The following DCBLD2 variants were observed in gnomAD, a reference collection of about 807,000 sequenced individuals.
DCBLD2 encodes the protein discoidin, CUB and LCCL domain-containing protein 2.
In DCBLD2, 54 loss-of-function variants were observed where a neutral mutation model predicts 86.8. The observed-to-expected ratio is 0.62, with a 90% CI of 0.50 to 0.78. DCBLD2 has a LOEUF of 0.78. Ranked by LOEUF, DCBLD2 falls within the 30% of genes least tolerant of loss-of-function variation. DCBLD2 has a pLI of 0.00. For synonymous variants in DCBLD2, 354 were observed against 341.3 expected (o/e 1.04, Z -0.41); for missense variants, 908 against 954.2 (o/e 0.95, Z 0.64).
intron 15 of DCBLD2, 49 bp from the exon 16 acceptor site, chr3:98,799,890 T>C (rs752270133): frequency 2.7e-6 from 4 of 1,473,564 alleles, no homozygotes; most frequent in East Asian, 2.3e-5. Flanking sequence ...AGTAAAGAGA[T>C]TGCATAATTT....
chr3:98,857,519 G>A (rs552002318), intron 2 of DCBLD2, among the ~76,000 whole-genome samples: 1 of 152,244 alleles, frequency 6.6e-6, no homozygotes, highest in South Asian at 2.1e-4. Context: ...GTGCTGATTG[G>A]TGCGTTTACA....
chr3:98,857,464 C>T (rs1469250909), intron 2 of DCBLD2, among the ~76,000 whole-genome samples: 3 of 136,834 alleles, frequency 2.2e-5, no homozygotes, highest in East Asian at 2.0e-4. Context: ...TACAGAGAGC[C>T]GACTGGTCCA....
At chr3:98,838,993 C>T (rs1044423187) in intron 3 of DCBLD2, among the ~76,000 whole-genome samples, 2 of 145,522 alleles carry the variant, frequency 1.4e-5, no homozygotes, top group Admixed American at 6.9e-5. Context: ...GCAGTACAGT[C>T]CAGCTTCGGC....
intron 2 of DCBLD2, among the ~76,000 whole-genome samples, chr3:98,864,160 C>T (rs147750788): frequency 1.7e-3 from 253 of 152,202 alleles, no homozygotes; most frequent in Admixed American, 6.4e-3. Context: ...TGAGATACCA[C>T]CTCACACCAG....
At chr3:98,860,943 A>G (rs138091645) in intron 2 of DCBLD2, among the ~76,000 whole-genome samples, 17,260 of 152,288 alleles carry the variant, frequency 0.11, 1,197 homozygotes, top group South Asian at 0.18. Context: ...TTGGATAAAG[A>G]GTCGAGACTC....
At position 98,838,452 on chromosome 3, in the gene DCBLD2, G is replaced by A. The variant is rs1304063904; in HGVS notation, c.571+11009C>T. Among the ~76,000 whole-genome samples the A allele has an allele frequency of 2.6e-3, 353 of 136,418 alleles. 1 individual carries two copies. The highest frequency in any genetic ancestry group is 9.0e-3 in the African/African-American group (327 of 36,304). The allele number at this position is 136,418 out of a possible 152,430, so 89.5% of individuals were successfully genotyped here. A position where few individuals can be genotyped will look rare whatever the true frequency, so the allele number is the denominator to read the frequency against. ...GCTCCCCACATCTCAGACGATGGGC[G>A]GCCGGGCAGAGACGCTCCTCACTTC... is the stretch of plus-strand genomic sequence containing the variant. On this transcript the variant is annotated intron_variant, in intron 3 of 15. Transcript: ENST00000326840.
chr3:98,836,666 G>C (rs1942460889), intron 3 of DCBLD2, among the ~76,000 whole-genome samples: 1 of 122,438 alleles, frequency 8.2e-6, no homozygotes, highest in Admixed American at 7.9e-5. Context: ...TCCCAGTAGG[G>C]GCGGCCGGGC....
rs547070945 is a variant in DCBLD2 at position 98,857,967 on chromosome 3, C to T, written c.434-8369G>A. Among the ~76,000 whole-genome samples the T allele has an allele frequency of 4.8e-3, 724 of 152,358 alleles. 9 individuals carry two copies. Among genetic ancestry groups the T allele is most frequent in the African/African-American group, 0.016 (660 of 41,578 alleles). On this transcript the variant is annotated intron_variant, in intron 2 of 15. Transcript: ENST00000326840. Reference sequence around the variant, plus strand: ...AGCTGCCTGCCAGTCCCGCGCCGTGCGCCCGCACTCCTCAGCCCTTGGGTG... The same window carrying T: ...AGCTGCCTGCCAGTCCCGCGCCGTGTGCCCGCACTCCTCAGCCCTTGGGTG...
intron 1 of DCBLD2, among the ~76,000 whole-genome samples, chr3:98,883,741 C>T (rs2119190): frequency 1 from 152,277 of 152,280 alleles, 76,137 homozygotes; most frequent in Non-Finnish European, 1. Flanking sequence ...CAGTTATTTA[C>T]AAATCACCTT....
At chr3:98,868,356 T>G (rs952156700) in intron 2 of DCBLD2, among the ~76,000 whole-genome samples, 1 of 152,178 alleles carries the variant, frequency 6.6e-6, no homozygotes, top group Non-Finnish European at 1.5e-5. Flanking sequence ...GGTTGAAGAA[T>G]AAGAAGATAT....
chr3:98,802,505 G>C (rs1260954677), intron 13 of DCBLD2, among the ~76,000 whole-genome samples: 1 of 151,938 alleles, frequency 6.6e-6, no homozygotes, highest in Non-Finnish European at 1.5e-5. Flanking sequence ...TCTGTAGGTT[G>C]CCTGCTCACT....
intron 3 of DCBLD2, among the ~76,000 whole-genome samples, chr3:98,846,835 G>T (rs954589903): frequency 2.6e-5 from 4 of 151,822 alleles, no homozygotes; most frequent in Non-Finnish European, 5.9e-5. Context: ...GGTTTCTGTG[G>T]GCCAAAAAGC....
chr3:98,864,699 T>C (rs1943110625), intron 2 of DCBLD2, among the ~76,000 whole-genome samples: 7 of 151,738 alleles, frequency 4.6e-5, no homozygotes, highest in Admixed American at 4.6e-4. Flanking sequence ...CTCTGGGGCC[T>C]GTTGTGGGGT....
At chr3:98,853,387 C>T (rs2107488824) in intron 2 of DCBLD2, among the ~76,000 whole-genome samples, 1 of 152,322 alleles carries the variant, frequency 6.6e-6, no homozygotes, top group East Asian at 1.9e-4. Context: ...AGCAGCTGTC[C>T]CCTTTGAAAA....
At chr3:98,862,835 A>C (rs1404196610) in intron 2 of DCBLD2, among the ~76,000 whole-genome samples, 1 of 151,940 alleles carries the variant, frequency 6.6e-6, no homozygotes, top group Admixed American at 6.6e-5. Context: ...CTCTCTCACT[A>C]CTCCTATTTC....
At chr3:98,820,048 T>A (rs989657781) in intron 7 of DCBLD2, among the ~76,000 whole-genome samples, 200 bp downstream of exon 7, 2 of 152,216 alleles carry the variant, frequency 1.3e-5, no homozygotes, top group South Asian at 4.1e-4. Context: ...GAACCTTCCT[T>A]GCTTACATGA....
Position 98,881,896 on chromosome 3 carries a change from A to T in DCBLD2, c.206-129T>A, listed in dbSNP as rs114640102. 5.0e-3 allele frequency: 4,416 copies of T among 891,040 alleles called. 108 individuals are homozygous for T. The African/African-American group carries it at 0.066, about 13-fold the overall frequency. The allele number at this position is 891,040 out of a possible 1,614,324, so 55.2% of individuals were successfully genotyped here. ...TTATACCACCCATACTTTCTATTTT[A>T]TTTTTTTTAATGGACAAATAATTGT... On this transcript the variant is annotated intron_variant, in intron 1 of 15. Coordinates refer to ENST00000326840, the MANE Select transcript of DCBLD2 (RefSeq NM_080927.4).
At chr3:98,867,646 A>G (rs1262288903) in intron 2 of DCBLD2, among the ~76,000 whole-genome samples, 1 of 152,204 alleles carries the variant, frequency 6.6e-6, no homozygotes, top group African/African-American at 2.4e-5. Context: ...TTAAAGGTAA[A>G]GAAAAAAATC....
At chr3:98,804,290 C>G (rs1483516101) in intron 13 of DCBLD2, among the ~76,000 whole-genome samples, 3 of 146,438 alleles carry the variant, frequency 2.0e-5, no homozygotes, top group East Asian at 4.0e-4. Context: ...TGTATGTGTC[C>G]AGGAATTTAT....
Sources: allele counts gnomAD v4.1 joint callset (sites outside exome capture counted in the v4.1 genomes callset), GRCh38; gene constraint gnomAD v4.1.1; transcripts MANE v1.5; gene names NCBI Gene and HGNC (gene_info 2026-07-23, HGNC 2026-07-21).